The following DLG2 variants were observed in gnomAD, a reference collection of about 807,000 sequenced individuals.
The protein encoded by DLG2 is disks large homolog 2.
DLG2 carries 45 observed loss-of-function variants against 132.5 expected under a neutral mutation model. The observed-to-expected ratio is 0.34, with a 90% CI of 0.27 to 0.44. The LOEUF (loss-of-function observed/expected upper bound fraction) is 0.44, where lower values mean the gene tolerates loss of function less well. Ranked by LOEUF, DLG2 falls within the 20% of genes least tolerant of loss-of-function variation. The pLI is 1.00. For missense variants in DLG2, 1,045 were observed against 1,196.9 expected, an observed-to-expected ratio of 0.87 and a Z score of 1.87; for synonymous variants, 424 against 419.6, an observed-to-expected ratio of 1.01 and a Z score of -0.13.
chr11:85,045,926 T>A (rs1048209730), intron 6 of DLG2, among the ~76,000 whole-genome samples: 1 of 152,032 alleles, frequency 6.6e-6, no homozygotes, highest in Non-Finnish European at 1.5e-5. Flanking sequence ...GGATCCAATA[T>A]GTCACTGAAA....
At chr11:85,466,618 G>T (rs1295318209) in intron 3 of DLG2, among the ~76,000 whole-genome samples, 2 of 152,112 alleles carry the variant, frequency 1.3e-5, no homozygotes, top group Non-Finnish European at 2.9e-5. Flanking sequence ...TCAGATCGTT[G>T]TAGATATGTG....
At chr11:85,112,320 T>C (rs1252189461) in intron 5 of DLG2, among the ~76,000 whole-genome samples, 1 of 152,104 alleles carries the variant, frequency 6.6e-6, no homozygotes, top group Non-Finnish European at 1.5e-5. Context: ...TTCCAGGCAC[T>C]TCTTTATACA....
intron 18 of DLG2, among the ~76,000 whole-genome samples, chr11:83,727,389 C>A (rs2090203312): frequency 6.6e-6 from 1 of 152,198 alleles, no homozygotes; most frequent in Non-Finnish European, 1.5e-5. Context: ...CCACCTTCCA[C>A]TCCCCACCAC....
At chr11:85,426,444 T>A (rs2090747630) in intron 3 of DLG2, among the ~76,000 whole-genome samples, 1 of 152,066 alleles carries the variant, frequency 6.6e-6, no homozygotes, top group Non-Finnish European at 1.5e-5. Context: ...AGAGGAACGA[T>A]CAGGCAGCAA....
chr11:84,257,828 A>G (rs995349945), intron 7 of DLG2, among the ~76,000 whole-genome samples: 1 of 151,800 alleles, frequency 6.6e-6, no homozygotes, highest in African/African-American at 2.4e-5. Flanking sequence ...CTGGGACTGC[A>G]GGCATGTACC....
chr11:85,586,134 T>C (rs985795695), intron 3 of DLG2, among the ~76,000 whole-genome samples: 1 of 152,236 alleles, frequency 6.6e-6, no homozygotes, highest in African/African-American at 2.4e-5. Flanking sequence ...GCTAGTATTT[T>C]GTGGAGGATT....
intron 5 of DLG2, among the ~76,000 whole-genome samples, chr11:85,122,967 A>G (rs868205803): frequency 8.6e-5 from 1 of 11,662 alleles, no homozygotes; most frequent in Admixed American, 1.0e-3. Context: ...ATATATATAT[A>G]TATTTTTTTT....
At chr11:84,010,582 A>G (rs2094834382) in intron 11 of DLG2, among the ~76,000 whole-genome samples, 1 of 152,132 alleles carries the variant, frequency 6.6e-6, no homozygotes, top group African/African-American at 2.4e-5. Context: ...GATTACAAGC[A>G]TGAGCTACTG....
intron 6 of DLG2, among the ~76,000 whole-genome samples, chr11:84,633,645 T>C (rs2099635878): frequency 2.0e-5 from 3 of 152,008 alleles, no homozygotes; most frequent in African/African-American, 7.2e-5. Flanking sequence ...GAAGGTAGGC[T>C]CTGTGTCTCA....
chr11:84,244,186 CT>C (rs372526078), intron 8 of DLG2, among the ~76,000 whole-genome samples: 3 of 149,622 alleles, frequency 2.0e-5, no homozygotes, highest in East Asian at 2.0e-4. Context: ...ACTTCATTTT[CT>C]TTTTTTTTTC....
At chr11:84,066,018 G>A (rs2154138328) in intron 10 of DLG2, among the ~76,000 whole-genome samples, 1 of 152,182 alleles carries the variant, frequency 6.6e-6, no homozygotes, top group African/African-American at 2.4e-5. Flanking sequence ...GCTAAACTTG[G>A]AGTACGTATG....
In DLG2 at chr11:83,588,851, G is replaced by C. The variant is rs996909627; in HGVS notation, c.1940+44360C>G. Among the ~76,000 whole-genome samples the C allele has an allele frequency of 6.6e-5, 10 of 152,138 alleles. No homozygotes were observed. In the East Asian group the frequency reaches 7.7e-4, roughly 12 times the overall value. On this transcript the variant is annotated intron_variant, in intron 19 of 27. Transcript: ENST00000376104. ...AGATCTACATGAAGAATGCAGAAGC[G>C]TCAGGAGCCGATGCGATCAACTGGA...
chr11:83,543,304 C>T (rs2096136788), intron 19 of DLG2, among the ~76,000 whole-genome samples: 1 of 152,184 alleles, frequency 6.6e-6, no homozygotes, highest in Non-Finnish European at 1.5e-5. Context: ...GCTATCACTT[C>T]TTTGATCCTG....
At chr11:84,723,116 C>G (rs560604238) in intron 6 of DLG2, among the ~76,000 whole-genome samples, 1 of 152,080 alleles carries the variant, frequency 6.6e-6, no homozygotes, top group Non-Finnish European at 1.5e-5. Context: ...AGAATAGATC[C>G]TAAAAAAGCT....
intron 6 of DLG2, among the ~76,000 whole-genome samples, chr11:85,082,115 G>A (rs1466435806): frequency 6.6e-6 from 1 of 151,986 alleles, no homozygotes; most frequent in East Asian, 1.9e-4. Context: ...AGATATACAT[G>A]CCAAAAAAAA....
chr11:85,434,322 G>A (rs1482885539), intron 3 of DLG2, among the ~76,000 whole-genome samples: 2 of 151,276 alleles, frequency 1.3e-5, no homozygotes, highest in East Asian at 1.9e-4. Context: ...TAACTAAGAT[G>A]AGAAGGGAAC....
At chr11:85,349,618 G>T (rs929973644) in intron 3 of DLG2, among the ~76,000 whole-genome samples, 2 of 152,142 alleles carry the variant, frequency 1.3e-5, no homozygotes, top group Admixed American at 1.3e-4. Context: ...GTGTCCAAGT[G>T]ATCTCATTGT....
At chr11:85,346,928 A>G (rs2082890192) in intron 3 of DLG2, among the ~76,000 whole-genome samples, 1 of 152,104 alleles carries the variant, frequency 6.6e-6, no homozygotes, top group South Asian at 2.1e-4. Context: ...GGACACAGCC[A>G]GGAAATATGG....
At chr11:84,400,797 T>C (rs1322992397) in intron 7 of DLG2, among the ~76,000 whole-genome samples, 1 of 152,166 alleles carries the variant, frequency 6.6e-6, no homozygotes, top group Non-Finnish European at 1.5e-5. Flanking sequence ...TTTTCCCTAA[T>C]ATTTTGATTA....
Sources: gnomAD v4.1 joint callset for allele counts (sites outside exome capture counted in the v4.1 genomes callset) on GRCh38, gnomAD v4.1.1 for gene constraint, MANE v1.5 for transcripts, NCBI Gene and HGNC (gene_info 2026-07-23, HGNC 2026-07-21) for gene names.